Variants in MAGI2 observed in about 807,000 individuals in gnomAD.
MAGI2 encodes the protein membrane-associated guanylate kinase, WW and PDZ domain-containing protein 2.
MAGI2 carries 35 observed loss-of-function variants against 133.3 expected under a neutral mutation model. That is an observed-to-expected ratio of 0.26 (90% CI 0.20 to 0.35). The LOEUF is 0.35. MAGI2 is among the 10% of genes least tolerant of loss of function. The pLI, the probability that MAGI2 is intolerant of heterozygous loss-of-function variation, is 1.00. For synonymous variants in MAGI2, 729 were observed against 710.6 expected, an observed-to-expected ratio of 1.03 and a Z score of -0.41; for missense variants, 1,636 against 1,863.4, an observed-to-expected ratio of 0.88 and a Z score of 2.25.
chr7:78,743,949 C>A (rs1563442557), intron 2 of MAGI2, among the ~76,000 whole-genome samples: 1 of 152,080 alleles, frequency 6.6e-6, no homozygotes, highest in Non-Finnish European at 1.5e-5. Context: ...ATCACACATT[C>A]TTTTTAATCT....
intron 1 of MAGI2, among the ~76,000 whole-genome samples, chr7:79,150,216 G>A (rs1184764468): frequency 6.6e-6 from 1 of 151,444 alleles, no homozygotes; most frequent in Non-Finnish European, 1.5e-5. Context: ...CTAAACATCT[G>A]TGTACATTTT....
At chr7:79,051,136 TAG>T (rs1812635656) in intron 1 of MAGI2, among the ~76,000 whole-genome samples, 1 of 152,228 alleles carries the variant, frequency 6.6e-6, no homozygotes, top group South Asian at 2.1e-4. Context: ...ACCCTCACTC[TAG>T]ATAAAACATA....
intron 2 of MAGI2, among the ~76,000 whole-genome samples, chr7:78,921,904 G>C (rs1385281086): frequency 6.6e-6 from 1 of 152,068 alleles, no homozygotes; most frequent in African/African-American, 2.4e-5. Context: ...AAATTGCTGG[G>C]ATTATAGGTG....
intron 2 of MAGI2, among the ~76,000 whole-genome samples, chr7:78,895,198 C>T (rs532814584): frequency 1.3e-5 from 2 of 152,276 alleles, no homozygotes; most frequent in East Asian, 3.9e-4. Context: ...GGCTGGCTCT[C>T]TCTTGGTGCT....
intron 1 of MAGI2, among the ~76,000 whole-genome samples, chr7:79,052,186 C>A (rs1157994531): frequency 1.3e-5 from 2 of 152,050 alleles, no homozygotes; most frequent in African/African-American, 4.8e-5. Context: ...GAGAGAAGAG[C>A]AGAGATGACT....
intron 2 of MAGI2, among the ~76,000 whole-genome samples, chr7:78,955,768 T>C (rs1021240598): frequency 1.3e-5 from 1 of 77,782 alleles, no homozygotes; most frequent in African/African-American, 4.1e-5. Context: ...TTTCTTTCTT[T>C]CTTTCTTTCT....
At chr7:79,391,520 T>TATATAGAC (rs1554469557) in intron 1 of MAGI2, among the ~76,000 whole-genome samples, 2 of 53,462 alleles carry the variant, frequency 3.7e-5, no homozygotes, top group East Asian at 1.7e-3. Context: ...TATATATATA[T>TATATAGAC]ATATATATAT....
chr7:79,378,930 A>G (rs1216640434), intron 1 of MAGI2, among the ~76,000 whole-genome samples: 28 of 29,770 alleles, frequency 9.4e-4, no homozygotes, highest in African/African-American at 4.2e-3. Flanking sequence ...GTGTGTGTAT[A>G]TATATATATA....
chr7:79,127,798 C>G lies in MAGI2; in HGVS notation c.302-120592G>C, dbSNP rs182694028. 7.9e-3 allele frequency among the ~76,000 whole-genome samples: 1,201 copies of G among 152,132 alleles called. 14 individuals are homozygous for G. Among genetic ancestry groups the G allele is most frequent in the African/African-American group, 0.026 (1,068 of 41,514 alleles). On this transcript the variant is annotated intron_variant, in intron 1 of 21. Coordinates refer to ENST00000354212, the MANE Select transcript of MAGI2 (RefSeq NM_012301.4). ...TCTTTTGCTGTGCAGAAGCTCTTTA[C>G]TTTAATTAGATCCCATTTGTCAATT...
intron 9 of MAGI2, among the ~76,000 whole-genome samples, chr7:78,272,959 A>G (rs1455171728): frequency 6.6e-6 from 1 of 152,148 alleles, no homozygotes; most frequent in East Asian, 1.9e-4. Context: ...TAATATTGTT[A>G]TGTATGAATT....
At chr7:78,572,168 C>T (rs375405249) in intron 3 of MAGI2, among the ~76,000 whole-genome samples, 1 of 152,182 alleles carries the variant, frequency 6.6e-6, no homozygotes, top group South Asian at 2.1e-4. Context: ...GTGGTCATTT[C>T]GTGGTTCAGC....
At chr7:78,473,840 A>G (rs1791471759) in intron 6 of MAGI2, among the ~76,000 whole-genome samples, 1 of 152,020 alleles carries the variant, frequency 6.6e-6, no homozygotes, top group South Asian at 2.1e-4. Context: ...AGACCAAATG[A>G]AAAAGCCCAA....
chr7:78,139,381 G>T (rs1822508290), intron 16 of MAGI2, among the ~76,000 whole-genome samples: 1 of 152,158 alleles, frequency 6.6e-6, no homozygotes, highest in Non-Finnish European at 1.5e-5. Context: ...TCTGACAAGG[G>T]ATGTGCTCAG....
At chr7:78,204,865 T>C (rs1368502355) in intron 10 of MAGI2, among the ~76,000 whole-genome samples, 2 of 152,212 alleles carry the variant, frequency 1.3e-5, no homozygotes, top group East Asian at 3.8e-4. Flanking sequence ...CTAGATGCAT[T>C]TTTAAAATTT....
intron 3 of MAGI2, among the ~76,000 whole-genome samples, chr7:78,563,501 G>A (rs148622102): frequency 7.8e-4 from 119 of 152,238 alleles, no homozygotes; most frequent in African/African-American, 2.8e-3. Flanking sequence ...TGTGAAAAAC[G>A]ACAGACGAGA....
intron 21 of MAGI2, among the ~76,000 whole-genome samples, chr7:78,044,272 A>T (rs1811164752): frequency 6.6e-6 from 1 of 152,210 alleles, no homozygotes; most frequent in Admixed American, 6.5e-5. Flanking sequence ...TGCTTTAACT[A>T]ATAGAGGCAT....
intron 9 of MAGI2, among the ~76,000 whole-genome samples, chr7:78,266,373 G>A (rs949674127): frequency 6.6e-6 from 1 of 151,486 alleles, no homozygotes; most frequent in African/African-American, 2.4e-5. Flanking sequence ...GCTAATTTTT[G>A]TATATTTTGG....
chr7:78,651,372 C>T (rs751626188), intron 2 of MAGI2, among the ~76,000 whole-genome samples: 42 of 151,320 alleles, frequency 2.8e-4, no homozygotes, highest in Non-Finnish European at 4.4e-5. Flanking sequence ...TCCATTAATT[C>T]CTTCAATGTC....
chr7:78,386,361 G>T (rs1041286100), intron 6 of MAGI2, among the ~76,000 whole-genome samples: 12 of 152,102 alleles, frequency 7.9e-5, no homozygotes, highest in Non-Finnish European at 1.5e-4. Flanking sequence ...CATGGAAAAA[G>T]CTGTGGGTAA....
Sources: allele counts gnomAD v4.1 joint callset (sites outside exome capture counted in the v4.1 genomes callset), GRCh38; gene constraint gnomAD v4.1.1; transcripts MANE v1.5; gene names NCBI Gene and HGNC (gene_info 2026-07-23, HGNC 2026-07-21).